Variants in SARAF observed in about 807,000 individuals in gnomAD.
SARAF encodes the protein store-operated calcium entry associated regulatory factor.
SARAF carries 23 observed loss-of-function variants against 39.7 expected under a neutral mutation model. The observed-to-expected ratio is 0.58, with a 90% CI of 0.42 to 0.82. The LOEUF is 0.82. Ranked by LOEUF, SARAF falls within the 40% of genes least tolerant of loss-of-function variation. The pLI, the probability that SARAF is intolerant of heterozygous loss-of-function variation, is 0.00. For synonymous variants in SARAF, 175 were observed against 168.5 expected, an observed-to-expected ratio of 1.04 and a Z score of -0.30; for missense variants, 384 against 418.5, an observed-to-expected ratio of 0.92 and a Z score of 0.72.
At chr8:30,064,366 A>C (rs1313082047) in intron 5 of SARAF, among the ~76,000 whole-genome samples, 1 of 151,708 alleles carries the variant, frequency 6.6e-6, no homozygotes, top group Non-Finnish European at 1.5e-5. Context: ...CAGGATGACA[A>C]ATCTTCCTAT....
intron 1 of SARAF, among the ~76,000 whole-genome samples, chr8:30,076,997 G>GA (rs1801982324): frequency 1.3e-5 from 2 of 151,920 alleles, no homozygotes; most frequent in South Asian, 4.1e-4. Context: ...GAAGCAGGAG[G>GA]AAAAAAGAGA....
rs190968638 is a variant in SARAF, at chr8:30,077,005, A to G, written c.104-2950T>C. On this transcript the variant is annotated intron_variant, in intron 1 of 5. Transcript: ENST00000256255. ...ACAAAAGGAAGCAGGAGGAAAAAAG[A>G]GATGACGCACAAGAAGAAAACTTTT... Among the ~76,000 whole-genome samples the G allele has an allele frequency of 2.0e-5, 3 of 152,386 alleles. No homozygotes were observed. The East Asian group carries it at 5.8e-4, about 29-fold the overall frequency.
Position 30,074,063 on chromosome 8 carries a change from A to G in SARAF, c.104-8T>C, listed in dbSNP as rs1317641727. The G allele has an allele frequency of 1.2e-5, 19 of 1,609,396 alleles. No individual in the cohort carries two copies. Among genetic ancestry groups the G allele is most frequent in the Non-Finnish European group, 1.3e-5 (15 of 1,176,856 alleles). On this transcript the variant is annotated splice_polypyrimidine_tract_variant and splice_region_variant and intron_variant, in intron 1 of 5. Coordinates refer to ENST00000256255, the MANE Select transcript of SARAF (RefSeq NM_016127.6). ...CCCGCAGCAACATTCTGTCTGAAAC[A>G]GCAAGAAAACAGAGGAACACAAAGT... is the stretch of plus-strand genomic sequence containing the variant.
At chr8:30,075,137 C>T (rs1048054968) in intron 1 of SARAF, among the ~76,000 whole-genome samples, 1 of 151,972 alleles carries the variant, frequency 6.6e-6, no homozygotes, top group Non-Finnish European at 1.5e-5. Context: ...CCCATCTCTA[C>T]TAAATATACA....
intron 4 of SARAF, 133 bp from the exon 5 acceptor site, chr8:30,066,272 G>A: frequency 1.1e-6 from 1 of 943,738 alleles, no homozygotes. Flanking sequence ...GTATATCAGA[G>A]TTAACATGAA....
chr8:30,083,096 C>G, upstream of SARAF: 3 of 566,622 alleles, frequency 5.3e-6, no homozygotes, highest in Non-Finnish European at 9.0e-6. Flanking sequence ...CGCAACGGAT[C>G]CGTGCGCCAA....
chr8:30,072,062 T>C (rs1801860144), intron 2 of SARAF, among the ~76,000 whole-genome samples: 1 of 152,194 alleles, frequency 6.6e-6, no homozygotes, highest in Non-Finnish European at 1.5e-5. Context: ...CCATTTCACA[T>C]TCCCAACAGC....
chr8:30,069,580 C>T lies in SARAF; in HGVS notation c.700+62G>A, dbSNP rs1026180864. On this transcript the variant is annotated intron_variant, in intron 3 of 5. Transcript: ENST00000256255. Reference sequence around the variant, plus strand: ...ATGCAACGATTTTCTATTTCAGAACCAAGCACAGGATGCACTAACCTCACA... The same window carrying T: ...ATGCAACGATTTTCTATTTCAGAACTAAGCACAGGATGCACTAACCTCACA... 7 of 1,471,894 alleles carry T rather than the reference C, an allele frequency of 4.8e-6. No individual in the cohort carries two copies. In the East Asian group the frequency reaches 1.6e-4, roughly 33 times the overall value. 91.2% of individuals were successfully genotyped at this position (1,471,894 alleles called of 1,614,324 possible). A position where few individuals can be genotyped will look rare whatever the true frequency, so the allele number is the denominator to read the frequency against.
chr8:30,064,563 T>A (rs867032730), intron 5 of SARAF, among the ~76,000 whole-genome samples: 45 of 82,156 alleles, frequency 5.5e-4, no homozygotes, highest in African/African-American at 1.5e-3. Flanking sequence ...ATATATATAT[T>A]TTTTTTTTTT....
At chr8:30,071,218 G>A (rs1176233031) in intron 2 of SARAF, among the ~76,000 whole-genome samples, 1 of 152,136 alleles carries the variant, frequency 6.6e-6, no homozygotes, top group Non-Finnish European at 1.5e-5. Flanking sequence ...GCAGGCGCCT[G>A]TAATCCCAGC....
intron 4 of SARAF, among the ~76,000 whole-genome samples, 170 bp from the exon 5 acceptor site, chr8:30,066,309 T>C (rs1303453895): frequency 1.3e-5 from 2 of 152,188 alleles, no homozygotes; most frequent in African/African-American, 4.8e-5. Context: ...ATTTCTGCCA[T>C]TATTATGGTC....
intron 5 of SARAF, among the ~76,000 whole-genome samples, chr8:30,064,538 T>C (rs1193174056): frequency 5.0e-5 from 3 of 60,052 alleles, no homozygotes; most frequent in African/African-American, 2.0e-4. Context: ...CCTAGCCATA[T>C]ATATATATAT....
chr8:30,072,511 GGTTT>G (rs1377413411), intron 2 of SARAF, among the ~76,000 whole-genome samples: 1 of 152,116 alleles, frequency 6.6e-6, no homozygotes, highest in Non-Finnish European at 1.5e-5. Context: ...AAGATTCATA[GGTTT>G]GTTGACTTAG....
intron 5 of SARAF, 160 bp downstream of exon 5, chr8:30,065,810 CTGTTTGATTTTTAAAGAA>C (rs1801670211): frequency 2.8e-6 from 2 of 717,162 alleles, no homozygotes; most frequent in Non-Finnish European, 2.3e-6. Context: ...AATCAAATCC[CTGTTTGATTTTTAAAGAA>C]TGTTTAAAAG....
chr8:30,082,141 A>G (rs1021513431), intron 1 of SARAF: 2 of 152,168 alleles, frequency 1.3e-5, no homozygotes, highest in African/African-American at 4.8e-5. Flanking sequence ...GGTCGAGACC[A>G]GCCTGGCCAA....
Position 30,073,755 on chromosome 8 carries a change from A to G in SARAF, c.282+122T>C, listed in dbSNP as rs1801896432. ...CACAGGAAGAGTGATTGATTTACTT[A>G]CATATTTTAGGCTGATCTGAGATTT... On this transcript the variant is annotated intron_variant, in intron 2 of 5. Coordinates refer to ENST00000256255, the MANE Select transcript of SARAF (RefSeq NM_016127.6). 4 of 716,998 alleles carry G rather than the reference A, an allele frequency of 5.6e-6. No individual in the cohort carries two copies. The East Asian group carries it at 1.1e-4, about 20-fold the overall frequency. 44.4% of individuals were successfully genotyped at this position (716,998 alleles called of 1,614,324 possible).
intron 5 of SARAF, 124 bp downstream of exon 5, chr8:30,065,864 A>T: frequency 9.4e-7 from 1 of 1,060,688 alleles, no homozygotes; most frequent in Non-Finnish European, 1.4e-6. Flanking sequence ...CTGTGCTATT[A>T]ATATTTTTGG....
At chr8:30,069,333 T>G (rs1326446219) in intron 3 of SARAF, among the ~76,000 whole-genome samples, 1 of 151,834 alleles carries the variant, frequency 6.6e-6, no homozygotes, top group Non-Finnish European at 1.5e-5. Context: ...AAGAACGGCG[T>G]TTTACCATCT....
intron 2 of SARAF, 150 bp from the exon 3 acceptor site, chr8:30,070,209 A>T: frequency 1.5e-6 from 1 of 658,628 alleles, no homozygotes; most frequent in Non-Finnish European, 2.5e-6. Context: ...GGAGTTCAAG[A>T]CCCGCCTGGC....
Sources: gnomAD v4.1 joint callset for allele counts (sites outside exome capture counted in the v4.1 genomes callset) on GRCh38, gnomAD v4.1.1 for gene constraint, MANE v1.5 for transcripts, NCBI Gene and HGNC (gene_info 2026-07-23, HGNC 2026-07-21) for gene names.